Variants in SCML1 observed in about 807,000 individuals in gnomAD.
The protein encoded by SCML1 is sex comb on midleg-like protein 1.
For missense variants in SCML1, 137 were observed against 258.1 expected (o/e 0.53, Z 3.22); for synonymous variants, 104 against 103.6 (o/e 1.00, Z -0.02).
At chrX:17,740,781 A>C (rs1255098384) in intron 1 of SCML1, among the ~76,000 whole-genome samples, 1 of 112,623 alleles carries the variant, frequency 8.9e-6, no homozygotes, top group African/African-American at 3.2e-5. Context: ...GTAAGCCTTG[A>C]AGTTGAATAG....
intron 6 of SCML1, 120 bp downstream of exon 6, chrX:17,750,413 T>G (rs2066697500): frequency 1.4e-6 from 1 of 721,540 alleles, no homozygotes; most frequent in African/African-American, 2.2e-5. Context: ...TTTGGTGAGT[T>G]TGAAATGCCA....
rs1335971979 is a variant in SCML1 at position 17,749,471 on chromosome X, A to G, written c.270A>G (p.Gln90=). The G allele has an allele frequency of 5.9e-6, 7 of 1,191,653 alleles. No homozygotes were observed. The South Asian group carries it at 7.3e-5, about 12-fold the overall frequency. ...DVIRRKVSKI[Q]RFHARSLWTN... ...TTCGTAGAAAGGTTTCAAAAATCCA[A>G]CGTTTCCATGCGAGATCCCTGTGGA... Residue 90 remains glutamine (Q), a synonymous_variant, in exon 5 of 8, where the codon CAA becomes CAG. Coordinates refer to ENST00000380041, the MANE Select transcript of SCML1 (RefSeq NM_001037540.3).
At chrX:17,748,455 C>G (rs1253562978) in intron 4 of SCML1, among the ~76,000 whole-genome samples, 2 of 112,001 alleles carry the variant, frequency 1.8e-5, no homozygotes, top group African/African-American at 6.5e-5. Flanking sequence ...ATTCACCTGC[C>G]TTAGCCTCCC....
intron 4 of SCML1, among the ~76,000 whole-genome samples, chrX:17,749,185 C>T (rs1282237853): frequency 8.9e-6 from 1 of 111,863 alleles, no homozygotes; most frequent in African/African-American, 3.3e-5. Flanking sequence ...TGGAGTAGAG[C>T]AGGGGAGGGG....
At chrX:17,751,509 C>T (rs893910082) in intron 6 of SCML1, among the ~76,000 whole-genome samples, 10 of 112,146 alleles carry the variant, frequency 8.9e-5, no homozygotes, top group African/African-American at 2.9e-4. Flanking sequence ...CCATATTTGC[C>T]TGTGGCCAAA....
At chrX:17,740,984 A>G (rs1241768018) in intron 1 of SCML1, among the ~76,000 whole-genome samples, 1 of 111,828 alleles carries the variant, frequency 8.9e-6, no homozygotes, top group Non-Finnish European at 1.9e-5. Flanking sequence ...CATTGTTATT[A>G]ATCCAAATAG....
rs996616267 is a variant in SCML1, at chrX:17,753,544, A to T, written c.*152A>T. On this transcript the variant is annotated 3_prime_UTR_variant, in exon 8 of 8. Coordinates refer to ENST00000380041, the MANE Select transcript of SCML1 (RefSeq NM_001037540.3). The stretch of plus-strand genomic sequence containing the variant: ...AGCTAGAATTGTAGAACTATGTTAT[A>T]GTCCAGTCTACTTCTTTAAAAACCA... 2.6e-5 allele frequency: 9 copies of T among 351,343 alleles called. No homozygotes were observed. The highest frequency in any genetic ancestry group is 2.3e-4 in the African/African-American group (9 of 38,392). 29.0% of individuals were successfully genotyped at this position (351,343 alleles called of 1,213,427 possible). A position where few individuals can be genotyped will look rare whatever the true frequency, so the allele number is the denominator to read the frequency against.
chrX:17,751,710 TCCAACAAAGAGAGCATTCCTCCTTAC>T (rs2066708905), intron 6 of SCML1, 79 bp from the exon 7 acceptor site: 2 of 862,640 alleles, frequency 2.3e-6, no homozygotes, highest in South Asian at 5.1e-5. Flanking sequence ...CACAGAAGGT[TCCAACAAAGAGAGCATTCCTCCTTAC>T]CTAACATCTC....
chrX:17,745,411 C>G, intron 2 of SCML1, 45 bp from the exon 3 acceptor site: 1 of 808,048 alleles, frequency 1.2e-6, no homozygotes. Context: ...TCTTTTAGTT[C>G]TGTCTTTCAT....
At chrX:17,742,105 AAATG>A (rs1210829141) in intron 1 of SCML1, among the ~76,000 whole-genome samples, 2 of 111,949 alleles carry the variant, frequency 1.8e-5, no homozygotes, top group African/African-American at 6.5e-5. Flanking sequence ...GGAACTTAGA[AAATG>A]TTATAAAAAC....
At chrX:17,745,101 G>T in intron 2 of SCML1, 1 of 128,775 alleles carries the variant, frequency 7.8e-6, no homozygotes, top group Non-Finnish European at 1.5e-5. Flanking sequence ...CCACAGAGGG[G>T]CACTGTTGGA....
chrX:17,741,651 G>A (rs1402392732), intron 1 of SCML1, among the ~76,000 whole-genome samples: 3 of 111,667 alleles, frequency 2.7e-5, no homozygotes, highest in Admixed American at 1.9e-4. Flanking sequence ...TGTTGTTGTC[G>A]TCATTGTTGT....
At chrX:17,745,828 GTCAGTTTT>G (rs770393304) in intron 3 of SCML1, 182 bp from the exon 4 acceptor site, 1 of 326,700 alleles carries the variant, frequency 3.1e-6, no homozygotes, top group East Asian at 4.6e-5. Context: ...TTCCTCAATT[GTCAGTTTT>G]TCATTCTCAT....
intron 6 of SCML1, 81 bp downstream of exon 6, chrX:17,750,374 A>G: frequency 2.1e-6 from 2 of 967,861 alleles, no homozygotes; most frequent in Admixed American, 6.7e-5. Flanking sequence ...GAATAGGTAT[A>G]CTGGATCATC....
intron 7 of SCML1, among the ~76,000 whole-genome samples, chrX:17,752,855 T>C (rs1411252950): frequency 2.7e-5 from 3 of 111,703 alleles, no homozygotes; most frequent in Non-Finnish European, 5.6e-5. Context: ...CAGTTTGCAC[T>C]GATGTTGACG....
chrX:17,741,614 A>C (rs746825920), intron 1 of SCML1, among the ~76,000 whole-genome samples: 30 of 111,946 alleles, frequency 2.7e-4, no homozygotes, highest in Non-Finnish European at 3.4e-4. Flanking sequence ...AATTACTTAA[A>C]TCAAGCTTGT....
intron 5 of SCML1, 165 bp from the exon 6 acceptor site, chrX:17,749,729 A>G (rs2066686865): frequency 7.4e-6 from 4 of 539,335 alleles, no homozygotes. Context: ...AATGTGTAAA[A>G]TACAATTAAA....
chrX:17,738,111 C>T (rs2066556872), intron 1 of SCML1: 1 of 112,602 alleles, frequency 8.9e-6, no homozygotes, highest in African/African-American at 3.2e-5. Context: ...TTGATGGTAA[C>T]CGCGTTTGAT....
chrX:17,744,392 T>A (rs2066626399), intron 2 of SCML1, 173 bp downstream of exon 2: 1 of 359,148 alleles, frequency 2.8e-6, no homozygotes, highest in Non-Finnish European at 4.7e-6. Context: ...AGTTTCTTTG[T>A]GAACACACAC....
Sources: allele counts gnomAD v4.1 joint callset (sites outside exome capture counted in the v4.1 genomes callset), GRCh38; gene constraint gnomAD v4.1.1; transcripts MANE v1.5; gene names NCBI Gene and HGNC (gene_info 2026-07-23, HGNC 2026-07-21).